The following BBS9 variants were observed in gnomAD, a reference collection of about 807,000 sequenced individuals.
BBS9 encodes Bardet-Biedl syndrome 9.
Under a neutral mutation model 117.7 loss-of-function variants are expected in BBS9, and 89 were observed. The observed-to-expected ratio is 0.76, with a 90% confidence interval of 0.64 to 0.90. The LOEUF (loss-of-function observed/expected upper bound fraction) is 0.90, where lower values mean the gene tolerates loss of function less well. BBS9 is among the 40% of genes least tolerant of loss of function. The pLI, the probability that BBS9 is intolerant of heterozygous loss-of-function variation, is 0.00. For synonymous variants in BBS9, 379 were observed against 370.9 expected (o/e 1.02, Z -0.25); for missense variants, 982 against 1,042.2 (o/e 0.94, Z 0.80).
At chr7:33,538,681 C>T (rs943110551) in intron 21 of BBS9, among the ~76,000 whole-genome samples, 1 of 151,452 alleles carries the variant, frequency 6.6e-6, no homozygotes, top group Non-Finnish European at 1.5e-5. Flanking sequence ...AGTTTGAAGT[C>T]ATTCTTTAAG....
At chr7:33,139,836 T>C (rs1027284119) in intron 1 of BBS9, among the ~76,000 whole-genome samples, 2 of 152,212 alleles carry the variant, frequency 1.3e-5, no homozygotes, top group African/African-American at 4.8e-5. Flanking sequence ...TTTCTGTCCT[T>C]AGCTATGTCT....
At chr7:33,382,638 A>G (rs1466683777) in intron 17 of BBS9, among the ~76,000 whole-genome samples, 1 of 152,160 alleles carries the variant, frequency 6.6e-6, no homozygotes, top group Non-Finnish European at 1.5e-5. Flanking sequence ...ATTAATATCT[A>G]GTGTTCCAGT....
At chr7:33,591,267 A>G (rs972316079) in intron 21 of BBS9, among the ~76,000 whole-genome samples, 11 of 152,136 alleles carry the variant, frequency 7.2e-5, no homozygotes, top group Middle Eastern at 3.4e-3. Flanking sequence ...CCTTCCCTCT[A>G]TATGTTTATT....
chr7:33,209,555 A>G (rs1787618183), intron 5 of BBS9, among the ~76,000 whole-genome samples: 1 of 152,164 alleles, frequency 6.6e-6, no homozygotes, highest in Non-Finnish European at 1.5e-5. Context: ...AATTATTCCC[A>G]TCAATAGTGT....
intron 21 of BBS9, among the ~76,000 whole-genome samples, chr7:33,632,652 C>T (rs543772281): frequency 5.2e-4 from 79 of 152,206 alleles, no homozygotes; most frequent in South Asian, 1.9e-3. Flanking sequence ...TGCCCAGCCC[C>T]GGGGACTCCA....
chr7:33,384,505 G>T (rs1182126240), intron 18 of BBS9, among the ~76,000 whole-genome samples: 2 of 152,130 alleles, frequency 1.3e-5, no homozygotes, highest in East Asian at 3.9e-4. Flanking sequence ...TTTGTTTTGT[G>T]AGTGGATTTG....
rs35896017 is a variant in BBS9, at chr7:33,627,273, G to A, written c.2522-7904G>A. Among the ~76,000 whole-genome samples, 842 of 152,204 alleles carry A rather than the reference G, an allele frequency of 5.5e-3. 20 individuals are homozygous for A. The East Asian group carries it at 0.083, about 15-fold the overall frequency. On this transcript the variant is annotated intron_variant, in intron 21 of 21. Coordinates refer to the BBS9 transcript ENST00000671952. Reference sequence around the variant, plus strand: ...TTGGTTTCCACACGATGTTAGGCCTGCAGGTGCATAAAGGGCAAGAGTTGA... The same window carrying A: ...TTGGTTTCCACACGATGTTAGGCCTACAGGTGCATAAAGGGCAAGAGTTGA...
At chr7:33,219,011 G>A (rs984083885) in intron 5 of BBS9, among the ~76,000 whole-genome samples, 156 of 152,350 alleles carry the variant, frequency 1.0e-3, no homozygotes, top group African/African-American at 3.4e-3. Flanking sequence ...TGCGGGCGGC[G>A]CTTGCGGGCC....
intron 5 of BBS9, among the ~76,000 whole-genome samples, chr7:33,229,542 T>G (rs1791931000): frequency 6.6e-6 from 1 of 152,136 alleles, no homozygotes. Context: ...TCCATGTTGA[T>G]CCATGTTGTG....
intron 5 of BBS9, among the ~76,000 whole-genome samples, chr7:33,217,773 A>G (rs975168741): frequency 3.9e-5 from 6 of 152,234 alleles, no homozygotes; most frequent in African/African-American, 1.4e-4. Context: ...TCTGACCTGC[A>G]GAAAATCACT....
intron 19 of BBS9, among the ~76,000 whole-genome samples, chr7:33,440,231 G>C (rs1183936466): frequency 6.6e-6 from 1 of 152,066 alleles, no homozygotes; most frequent in East Asian, 1.9e-4. Context: ...CTTATTTGAA[G>C]GTGCATTGTA....
intron 19 of BBS9, among the ~76,000 whole-genome samples, chr7:33,447,880 C>A (rs1837223981): frequency 6.6e-6 from 1 of 152,054 alleles, no homozygotes; most frequent in African/African-American, 2.4e-5. Context: ...CTGTGGGTTG[C>A]CTACATGTTA....
At chr7:33,314,763 G>A (rs542665088) in intron 9 of BBS9, among the ~76,000 whole-genome samples, 6 of 152,148 alleles carry the variant, frequency 3.9e-5, no homozygotes, top group Admixed American at 1.3e-4. Context: ...AGAGCGTACA[G>A]TCTATTCAAA....
intron 4 of BBS9, among the ~76,000 whole-genome samples, chr7:33,168,707 C>T (rs1796065726): frequency 6.6e-6 from 1 of 152,048 alleles, no homozygotes; most frequent in Non-Finnish European, 1.5e-5. Flanking sequence ...TTTTTTACTC[C>T]TTCAATTTGA....
At position 33,388,005 on chromosome 7, in the gene BBS9, G is replaced by C; in HGVS notation, c.1976G>C (p.Gly659Ala). Residue 659 changes from glycine (G) to alanine (A), a missense_variant, in exon 19 of 23, where the codon GGT becomes GCT. By Grantham distance (60) the Gly-to-Ala change is moderately conservative. Coordinates refer to ENST00000242067, the MANE Select transcript of BBS9 (RefSeq NM_198428.3). ...TATTCATTGCAGCTACGGATAAATG[G>C]TGAAAAATTAGAAGAACTCTTATCT... ...IDHHFELRIN[G>A]EKLEELLSER... is the part of the protein sequence containing the mutation. 1 of 1,613,946 alleles carries C rather than the reference G, an allele frequency of 6.2e-7. No homozygotes were observed. Among genetic ancestry groups the C allele is most frequent in the Non-Finnish European group, 8.5e-7 (1 of 1,179,962 alleles).
At chr7:33,569,015 T>C (rs1029860190) in intron 21 of BBS9, among the ~76,000 whole-genome samples, 7 of 152,156 alleles carry the variant, frequency 4.6e-5, no homozygotes, top group Non-Finnish European at 1.0e-4. Context: ...AGTAGTGTTT[T>C]GCATACTCCC....
chr7:33,324,434 AGTT>A (rs1207060722), intron 9 of BBS9, among the ~76,000 whole-genome samples: 1 of 152,180 alleles, frequency 6.6e-6, no homozygotes, highest in Non-Finnish European at 1.5e-5. Flanking sequence ...TGTATTAAAA[AGTT>A]GTTGTAGCTC....
chr7:33,170,355 A>G (rs1372154208), intron 4 of BBS9, among the ~76,000 whole-genome samples: 2 of 148,502 alleles, frequency 1.3e-5, no homozygotes, highest in Non-Finnish European at 3.0e-5. Context: ...CAAAAACCAC[A>G]TGATTATCTC....
intron 21 of BBS9, among the ~76,000 whole-genome samples, chr7:33,545,560 C>T (rs926493361): frequency 1.3e-5 from 2 of 152,066 alleles, no homozygotes; most frequent in African/African-American, 4.8e-5. Flanking sequence ...GAGGGGGTCT[C>T]CCAAGTCTTG....
Sources: allele counts gnomAD v4.1 joint callset (sites outside exome capture counted in the v4.1 genomes callset), GRCh38; gene constraint gnomAD v4.1.1; transcripts MANE v1.5; gene names NCBI Gene and HGNC (gene_info 2026-07-23, HGNC 2026-07-21).